The following GTPBP2 variants were observed in gnomAD, a reference collection of about 807,000 sequenced individuals.
The protein encoded by GTPBP2 is GTP-binding protein 2.
A neutral mutation model predicts 63.0 loss-of-function variants in GTPBP2; 32 were observed. The observed-to-expected ratio is 0.51, with a 90% CI of 0.38 to 0.68. The LOEUF (loss-of-function observed/expected upper bound fraction) is 0.68, where lower values mean the gene tolerates loss of function less well. Ranked by LOEUF, GTPBP2 falls within the 30% of genes least tolerant of loss-of-function variation. GTPBP2 has a pLI of 0.00. For synonymous variants in GTPBP2, 310 were observed against 322.6 expected (o/e 0.96, Z 0.42); for missense variants, 492 against 796.9 (o/e 0.62, Z 4.61).
At position 43,622,712 on chromosome 6, in the gene GTPBP2, C is replaced by T; in HGVS notation, c.1388G>A (p.Arg463His). 2.5e-6 allele frequency: 4 copies of T among 1,614,100 alleles called. No homozygotes were observed. Among genetic ancestry groups the T allele is most frequent in the South Asian group, 1.1e-5 (1 of 91,086 alleles). ...ELRVCSIQRN[R>H]SACRVLRAGQ... ...AGCTCGCAGCACACGACAGGCAGAGCGGTTGCGCTGGATGCTGCATACTCT... is the reference window on the plus strand; with the variant it reads ...AGCTCGCAGCACACGACAGGCAGAGTGGTTGCGCTGGATGCTGCATACTCT... The change falls in exon 10 of 12, where the codon CGC becomes CAC. Residue 463 changes from arginine (R) to histidine (H), a missense_variant. Around this residue, in one of 2 missense-constraint regions of GTPBP2, gnomAD observed 400 missense variants for 710.8 expected, o/e 0.56. Coordinates refer to ENST00000307126, the MANE Select transcript of GTPBP2 (RefSeq NM_019096.5). The surrounding 1 kb of genome is among the most constrained non-coding windows in gnomAD (Gnocchi z 5.4).
At position 43,627,217 on chromosome 6, in the gene GTPBP2, TG is replaced by T. The variant is rs1336676889; in HGVS notation, c.187-270del. On this transcript the variant is annotated intron_variant, in intron 1 of 11. Transcript: ENST00000307126. The stretch of plus-strand genomic sequence containing the variant: ...CTGAATCAATCCATTCTTTGATCAC[TG>T]GCAGCACGTTCTTCCTAGATGCAAG... 5 of 965,152 alleles carry T rather than the reference TG, an allele frequency of 5.2e-6. No homozygotes were observed. The African/African-American group carries it at 6.8e-5, about 13-fold the overall frequency. The allele number at this position is 965,152 out of a possible 1,614,324, so 59.8% of individuals were successfully genotyped here.
intron 9 of GTPBP2, chr6:43,623,417 G>A: frequency 3.0e-6 from 1 of 333,350 alleles, no homozygotes; most frequent in Non-Finnish European, 5.5e-6. Context: ...AAAGAAAGAA[G>A]AGTCTTAAGT....
chr6:43,621,749 G>C lies in GTPBP2; in HGVS notation c.1674C>G (p.Arg558=), dbSNP rs755834125. 1.2e-6 allele frequency: 2 copies of C among 1,614,156 alleles called. No homozygotes were observed. The highest frequency in any genetic ancestry group is 1.1e-5 in the South Asian group (1 of 91,074). ...TCAGGTACTCTGGGTGTTTCAGGAA[G>C]CGGAAACGTACCACTGCCTTCTCGC... The part of the protein sequence containing the change: ...RTGEKAVVRF[R]FLKHPEYLKV... Residue 558 remains arginine, a synonymous_variant, in exon 12 of 12, where the codon CGC becomes CGG. Coordinates refer to ENST00000307126, the MANE Select transcript of GTPBP2 (RefSeq NM_019096.5).
chr6:43,622,228 C>T lies in GTPBP2; in HGVS notation c.1468-61G>A. 7.0e-7 allele frequency: 1 copy of T among 1,431,600 alleles called. No homozygotes were observed. Among genetic ancestry groups the T allele is most frequent in the South Asian group, 1.2e-5 (1 of 81,962 alleles). 88.7% of individuals were successfully genotyped at this position (1,431,600 alleles called of 1,614,324 possible). On this transcript the variant is annotated intron_variant, in intron 10 of 11. Transcript: ENST00000307126. The surrounding 1 kb of genome is among the most constrained non-coding windows in gnomAD (Gnocchi z 5.4). ...GCTCTAACATCAGACTCTCCCTCCCCAGCCACCCCACACCCTTTATAGCTC... is the reference window on the plus strand; with the variant it reads ...GCTCTAACATCAGACTCTCCCTCCCTAGCCACCCCACACCCTTTATAGCTC...
At position 43,626,368 on chromosome 6, in the gene GTPBP2, C is replaced by T. The variant is rs1321420469; in HGVS notation, c.256G>A (p.Val86Met). The part of the protein sequence containing the change: ...NPSQYRFEHL[V>M]TQMKWRLQEG... ...TGGAGCCGCCACTTCATTTGTGTCA[C>T]CAGGTGCTCAAAGCGGTACTGGGAT... The change falls in exon 3 of 12, where the codon GTG becomes ATG. Residue 86 changes from valine to methionine, a missense_variant. By Grantham distance (21) the Val-to-Met change is conservative. This residue lies in a region of GTPBP2 where 400 missense variants were observed against 710.8 expected (regional missense o/e 0.56). Coordinates refer to ENST00000307126, the MANE Select transcript of GTPBP2 (RefSeq NM_019096.5). The surrounding 1 kb of genome is among the most constrained non-coding windows in gnomAD (Gnocchi z 4.0). 6.2e-7 allele frequency: 1 copy of T among 1,614,226 alleles called. No individual in the cohort carries two copies. The highest frequency in any genetic ancestry group is 8.5e-7 in the Non-Finnish European group (1 of 1,180,036).
chr6:43,630,908 C>CAGA (rs1769878449), upstream of GTPBP2, among the ~76,000 whole-genome samples: 1 of 53,624 alleles, frequency 1.9e-5, no homozygotes, highest in African/African-American at 6.8e-5. Context: ...GACTTCGTCT[C>CAGA]AAAAAAAAAA....
Position 43,626,192 on chromosome 6 carries a change from G to A in GTPBP2, c.398+34C>T. On this transcript the variant is annotated intron_variant, in intron 3 of 11. Coordinates refer to ENST00000307126, the MANE Select transcript of GTPBP2 (RefSeq NM_019096.5). The surrounding 1 kb of genome is among the most constrained non-coding windows in gnomAD (Gnocchi z 4.0). Reference sequence around the variant, plus strand: ...GTATGCATGGGTCCCCCCAAGTCAGGTAAAGGAGAACTGGTGGGGAAGGGG... The same window carrying A: ...GTATGCATGGGTCCCCCCAAGTCAGATAAAGGAGAACTGGTGGGGAAGGGG... The A allele has an allele frequency of 6.3e-7, 1 of 1,597,746 alleles. No homozygotes were observed. Among genetic ancestry groups the A allele is most frequent in the South Asian group, 1.1e-5 (1 of 90,414 alleles).
upstream of GTPBP2, among the ~76,000 whole-genome samples, chr6:43,631,179 C>T (rs1363519896): frequency 6.6e-6 from 1 of 152,118 alleles, no homozygotes; most frequent in East Asian, 1.9e-4. Flanking sequence ...TGACCATAGG[C>T]CAATTATGTG....
upstream of GTPBP2, chr6:43,629,397 A>G (rs1008581501): frequency 4.8e-5 from 27 of 565,552 alleles, no homozygotes; most frequent in East Asian, 7.2e-4. Context: ...TCGCCGCCCT[A>G]CAACTCCCAG....
Position 43,624,467 on chromosome 6 carries a change from A to C in GTPBP2, c.1100+43T>G, listed in dbSNP as rs764045573. The C allele has an allele frequency of 2.1e-6, 3 of 1,424,128 alleles. No homozygotes were observed. 88.2% of individuals were successfully genotyped at this position (1,424,128 alleles called of 1,614,324 possible). A position where few individuals can be genotyped will look rare whatever the true frequency, so the allele number is the denominator to read the frequency against. Reference sequence around the variant, plus strand: ...GCTTCTGGGCCCTGGGCTCTGTGGCAGCCTTCCTAGTGGATCAGGGCTTTA... The same window carrying C: ...GCTTCTGGGCCCTGGGCTCTGTGGCCGCCTTCCTAGTGGATCAGGGCTTTA... On this transcript the variant is annotated intron_variant, in intron 7 of 11. Coordinates refer to ENST00000307126, the MANE Select transcript of GTPBP2 (RefSeq NM_019096.5). The surrounding 1 kb of genome is among the most constrained non-coding windows in gnomAD (Gnocchi z 5.1).
Position 43,625,290 on chromosome 6 carries a change from C to T in GTPBP2, c.705+73G>A. The T allele has an allele frequency of 1.4e-6, 2 of 1,393,742 alleles. No individual in the cohort carries two copies. Among genetic ancestry groups the T allele is most frequent in the Non-Finnish European group, 2.0e-6 (2 of 980,872 alleles). 86.3% of individuals were successfully genotyped at this position (1,393,742 alleles called of 1,614,324 possible). A position where few individuals can be genotyped will look rare whatever the true frequency, so the allele number is the denominator to read the frequency against. ...TCAAAAAGTCTCCACACTCTACCCC[C>T]ATCCTATGTCCTTCACTACTACCAT... On this transcript the variant is annotated intron_variant, in intron 5 of 11. Transcript: ENST00000307126. This position sits in a 1 kb window ranked among gnomAD's most constrained non-coding sequence, Gnocchi z 5.1.
Position 43,624,092 on chromosome 6 carries a change from A to G in GTPBP2, c.1101-24T>C. ...CACTGTAGAGGGAGGCATGGAATGG[A>G]CAGATGAAGACAGTCCAAACAGGAG... On this transcript the variant is annotated intron_variant, in intron 7 of 11. Coordinates refer to ENST00000307126, the MANE Select transcript of GTPBP2 (RefSeq NM_019096.5). This position sits in a 1 kb window ranked among gnomAD's most constrained non-coding sequence, Gnocchi z 5.1. 6.3e-7 allele frequency: 1 copy of G among 1,588,966 alleles called. No individual in the cohort carries two copies. Among genetic ancestry groups the G allele is most frequent in the Non-Finnish European group, 8.6e-7 (1 of 1,165,106 alleles).
At position 43,620,990 on chromosome 6, in the gene GTPBP2, G is replaced by C; in HGVS notation, c.*624C>G. ...AAGCCGGGAGGGGATGGGGGAGATA[G>C]GGACTGGGGAAATGGCCCTTGAGTG... On this transcript the variant is annotated 3_prime_UTR_variant, in exon 12 of 12. Transcript: ENST00000307126. 1 of 186,020 alleles carries C rather than the reference G, an allele frequency of 5.4e-6. No individual in the cohort carries two copies. Among genetic ancestry groups the C allele is most frequent in the Non-Finnish European group, 1.1e-5 (1 of 87,284 alleles). The allele number at this position is 186,020 out of a possible 1,614,324, so 11.5% of individuals were successfully genotyped here. A position where few individuals can be genotyped will look rare whatever the true frequency, so the allele number is the denominator to read the frequency against.
upstream of GTPBP2, among the ~76,000 whole-genome samples, chr6:43,630,674 C>T (rs1769854596): frequency 6.7e-6 from 1 of 149,876 alleles, no homozygotes; most frequent in African/African-American, 2.5e-5. Flanking sequence ...ACCCGGGAGG[C>T]GGAGGTTGCA....
rs1402045571 is a variant in GTPBP2 at position 43,624,299 on chromosome 6, A to G, written c.1100+211T>C. 6.6e-6 allele frequency among the ~76,000 whole-genome samples: 1 copy of G among 152,210 alleles called. No homozygotes were observed. The highest frequency in any genetic ancestry group is 1.9e-4 in the East Asian group (1 of 5,196). ...ATGCCTGGTATAGCACTTCATCGCC[A>G]TGGTCCCAGGCATCAGCAGTGCTCC... On this transcript the variant is annotated intron_variant, in intron 7 of 11. Coordinates refer to ENST00000307126, the MANE Select transcript of GTPBP2 (RefSeq NM_019096.5). The surrounding 1 kb of genome is among the most constrained non-coding windows in gnomAD (Gnocchi z 5.1).
rs1419706091 is a variant in GTPBP2, at chr6:43,624,998, G to A, written c.770C>T (p.Thr257Ile). The change falls in exon 6 of 12, where the codon ACC (threonine) becomes ATC (isoleucine). Residue 257 changes from threonine to isoleucine, a missense_variant. Transcript: ENST00000307126. The surrounding 1 kb of genome is among the most constrained non-coding windows in gnomAD (Gnocchi z 5.1). Reference protein sequence around the residue: ...EICESSSKMITFIDLAGHHKY... With the variant: ...EICESSSKMIIFIDLAGHHKY... ...ATGGTGGCCTGCCAGGTCGATGAAGGTGATCATCTTGGAGCTGCTCTCACA... is the reference window on the plus strand; with the variant it reads ...ATGGTGGCCTGCCAGGTCGATGAAGATGATCATCTTGGAGCTGCTCTCACA... 1.2e-6 allele frequency: 2 copies of A among 1,613,920 alleles called. No homozygotes were observed. Among genetic ancestry groups the A allele is most frequent in the Non-Finnish European group, 1.7e-6 (2 of 1,179,978 alleles).
upstream of GTPBP2, chr6:43,629,709 G>T (rs1396411827): frequency 2.6e-6 from 4 of 1,549,872 alleles, no homozygotes; most frequent in Non-Finnish European, 3.5e-6. Context: ...TACTGGTGCC[G>T]CCAGCCTGCT....
chr6:43,624,701 C>T lies in GTPBP2; in HGVS notation c.909G>A (p.Leu303=), dbSNP rs202045882. The T allele has an allele frequency of 4.8e-5, 78 of 1,614,032 alleles. No individual in the cohort carries two copies. The highest frequency in any genetic ancestry group is 1.9e-4 in the South Asian group (17 of 91,076). The change falls in exon 7 of 12, where the codon CTG becomes CTA. Residue 303 remains leucine, a synonymous_variant. Transcript: ENST00000307126. This position sits in a 1 kb window ranked among gnomAD's most constrained non-coding sequence, Gnocchi z 5.1. Reference sequence around the variant, plus strand: ...AGAAGGGCACTTTCAGGGCCAGGGCCAGCCCCAGATGTTCCCTTGTGGTGC... The same window carrying T: ...AGAAGGGCACTTTCAGGGCCAGGGCTAGCCCCAGATGTTCCCTTGTGGTGC... ...IAGTTREHLG[L]ALALKVPFFI... is the part of the protein sequence containing the mutation.
chr6:43,622,729 G>A lies in GTPBP2; in HGVS notation c.1371C>T (p.Cys457=), dbSNP rs1422161923. The A allele has an allele frequency of 6.2e-7, 1 of 1,613,954 alleles. No individual in the cohort carries two copies. Among genetic ancestry groups the A allele is most frequent in the East Asian group, 2.2e-5 (1 of 44,870 alleles). The change falls in exon 10 of 12, where the codon TGC becomes TGT. Residue 457 remains cysteine (C), a synonymous_variant. Transcript: ENST00000307126. This position sits in a 1 kb window ranked among gnomAD's most constrained non-coding sequence, Gnocchi z 5.4. ...DDGCFLELRV[C]SIQRNRSACR... ...AGGCAGAGCGGTTGCGCTGGATGCT[G>A]CATACTCTCAGCTCCAGGAAGCAGC... is the stretch of plus-strand genomic sequence containing the variant.
Sources: gnomAD v4.1 joint callset for allele counts (sites outside exome capture counted in the v4.1 genomes callset) on GRCh38, gnomAD v4.1.1 for gene constraint, gnomAD v4.1.1 regional missense constraint, Gnocchi (gnomAD v3.1) non-coding constraint, MANE v1.5 for transcripts, NCBI Gene and HGNC (gene_info 2026-07-23, HGNC 2026-07-21) for gene names.